The following CHD6 variants were observed in gnomAD, a reference collection of about 807,000 sequenced individuals.
CHD6 encodes the protein chromodomain helicase DNA binding protein 6.
In CHD6, 50 loss-of-function variants were observed where a neutral mutation model predicts 276.9. The observed-to-expected ratio is 0.18, with a 90% CI of 0.14 to 0.23. The LOEUF is 0.23. CHD6 is among the 10% of genes least tolerant of loss of function. CHD6 has a pLI of 1.00. For missense variants in CHD6, 2,564 were observed against 3,365.8 expected (o/e 0.76, Z 5.89); for synonymous variants, 1,173 against 1,229.3 (o/e 0.95, Z 0.96).
chr20:41,610,760 A>AAAATAAATAAATAAAT (rs5841413), intron 1 of CHD6, among the ~76,000 whole-genome samples: 4 of 147,328 alleles, frequency 2.7e-5, no homozygotes, highest in African/African-American at 1.0e-4. Context: ...TCCGTCTCAA[A>AAAATAAATAAATAAAT]AAATAAATAA....
At position 41,446,450 on chromosome 20, in the gene CHD6, T is replaced by A. The variant is rs1302991257; in HGVS notation, c.3774-682A>T. On this transcript the variant is annotated intron_variant, in intron 24 of 36. Coordinates refer to ENST00000373233, the MANE Select transcript of CHD6 (RefSeq NM_032221.5). ...CCCCTCTCTGAGTTTCTGTAACGTG[T>A]TTGGAGAGCTCACATAAACCCTAAG... Among the ~76,000 whole-genome samples, 3 of 152,278 alleles carry A rather than the reference T, an allele frequency of 2.0e-5. No individual in the cohort carries two copies. The East Asian group carries it at 5.8e-4, about 29-fold the overall frequency.
chr20:41,412,822 G>A (rs561920900), intron 35 of CHD6, among the ~76,000 whole-genome samples: 21 of 152,298 alleles, frequency 1.4e-4, no homozygotes, highest in African/African-American at 4.6e-4. Context: ...AAGACAGTAC[G>A]ATGACTTGAA....
intron 34 of CHD6, chr20:41,414,747 A>G (rs903067340): frequency 4.3e-5 from 37 of 860,644 alleles, no homozygotes; most frequent in East Asian, 3.1e-4. Context: ...TTGTAGCCCA[A>G]TATCACCCAG....
At chr20:41,559,298 C>A (rs537784108) in intron 1 of CHD6, among the ~76,000 whole-genome samples, 1 of 152,270 alleles carries the variant, frequency 6.6e-6, no homozygotes, top group Middle Eastern at 3.4e-3. Context: ...TAAGTTATCA[C>A]TAAATGTCTC....
At position 41,413,247 on chromosome 20, in the gene CHD6, A is replaced by G. The variant is rs1001139650; in HGVS notation, c.7131+77T>C. ...AGCTCCCAACTTCCTGGTTGCCCTC[A>G]GCATGCTTTCATCAAAAATAGCAAC... On this transcript the variant is annotated intron_variant, in intron 35 of 36. Coordinates refer to ENST00000373233, the MANE Select transcript of CHD6 (RefSeq NM_032221.5). The G allele has an allele frequency of 4.9e-6, 6 of 1,230,700 alleles. No homozygotes were observed. In the African/African-American group the frequency reaches 7.6e-5, roughly 16 times the overall value. The allele number at this position is 1,230,700 out of a possible 1,614,324, so 76.2% of individuals were successfully genotyped here. A position where few individuals can be genotyped will look rare whatever the true frequency, so the allele number is the denominator to read the frequency against.
At chr20:41,466,188 C>A (rs2042915661) in intron 17 of CHD6, among the ~76,000 whole-genome samples, 1 of 152,122 alleles carries the variant, frequency 6.6e-6, no homozygotes, top group South Asian at 2.1e-4. Context: ...GGTAACACAG[C>A]AAGACTCCAT....
intron 36 of CHD6, among the ~76,000 whole-genome samples, chr20:41,408,076 T>TA (rs1032816198): frequency 5.3e-4 from 78 of 146,958 alleles, no homozygotes; most frequent in East Asian, 3.4e-3. Flanking sequence ...AAATAAAAAA[T>TA]AAAAAAAAAA....
chr20:41,403,978 G>C lies in CHD6; in HGVS notation c.*615C>G. On this transcript the variant is annotated 3_prime_UTR_variant, in exon 37 of 37. Transcript: ENST00000373233. ...CTGCAGGTGTCTGAAAAACCACCAA[G>C]GGGGAAATTATATTACTACCGGTAA... 2.8e-6 allele frequency: 3 copies of C among 1,054,042 alleles called. No homozygotes were observed. Among genetic ancestry groups the C allele is most frequent in the Non-Finnish European group, 3.4e-6 (3 of 872,370 alleles). The allele number at this position is 1,054,042 out of a possible 1,614,324, so 65.3% of individuals were successfully genotyped here.
chr20:41,609,378 T>A (rs889813086), intron 1 of CHD6, among the ~76,000 whole-genome samples: 1 of 152,232 alleles, frequency 6.6e-6, no homozygotes, highest in African/African-American at 2.4e-5. Context: ...TACAAAATGT[T>A]GTGCCCCATA....
chr20:41,531,145 G>A lies in CHD6; in HGVS notation c.554+1905C>T, dbSNP rs147147079. ...CACTTTGTTTCAGACCTCATACAAT[G>A]TAAACATGAATTCCTTAAAAAAGGA... is the stretch of plus-strand genomic sequence containing the variant. On this transcript the variant is annotated intron_variant, in intron 3 of 36. Coordinates refer to ENST00000373233, the MANE Select transcript of CHD6 (RefSeq NM_032221.5). Among the ~76,000 whole-genome samples, 849 of 152,182 alleles carry A rather than the reference G, an allele frequency of 5.6e-3. 7 individuals are homozygous for A. Among genetic ancestry groups the A allele is most frequent in the Middle Eastern group, 0.017 (5 of 292 alleles).
At chr20:41,556,799 C>A (rs1435294888) in intron 1 of CHD6, among the ~76,000 whole-genome samples, 3 of 152,184 alleles carry the variant, frequency 2.0e-5, no homozygotes, top group African/African-American at 2.4e-5. Context: ...TTGTCCTTCT[C>A]CAGACAGCAC....
chr20:41,561,387 C>G (rs1475448225), intron 1 of CHD6, among the ~76,000 whole-genome samples: 1 of 152,160 alleles, frequency 6.6e-6, no homozygotes, highest in Non-Finnish European at 1.5e-5. Context: ...GAATCACTAA[C>G]TTCTCCTAAA....
At chr20:41,592,096 A>G (rs1413441391) in intron 1 of CHD6, among the ~76,000 whole-genome samples, 1 of 152,138 alleles carries the variant, frequency 6.6e-6, no homozygotes, top group Non-Finnish European at 1.5e-5. Context: ...GAGACTCTGT[A>G]TCAAACAAAC....
intron 3 of CHD6, among the ~76,000 whole-genome samples, chr20:41,523,252 C>T (rs1037699471): frequency 3.3e-5 from 5 of 152,066 alleles, no homozygotes; most frequent in African/African-American, 1.2e-4. Context: ...CTGAATAATA[C>T]AAAGGCCTAA....
At chr20:41,453,250 C>T (rs1017697357) in intron 20 of CHD6, among the ~76,000 whole-genome samples, 5 of 152,136 alleles carry the variant, frequency 3.3e-5, no homozygotes, top group African/African-American at 7.2e-5. Flanking sequence ...AAAGTGGTGT[C>T]GGCTCTAGCC....
chr20:41,519,274 C>T (rs1007895046), intron 3 of CHD6, among the ~76,000 whole-genome samples: 2 of 141,900 alleles, frequency 1.4e-5, no homozygotes, highest in Middle Eastern at 3.3e-3. Context: ...CAGAGTCAGA[C>T]CCTGTCTCAA....
At chr20:41,617,920 G>A (rs1034299938) in intron 1 of CHD6, among the ~76,000 whole-genome samples, 38 of 147,656 alleles carry the variant, frequency 2.6e-4, no homozygotes, top group Non-Finnish European at 4.1e-4. Context: ...AGCGCGGCTG[G>A]GCCCGGGGGT....
In CHD6 at chr20:41,404,724, G is replaced by T; in HGVS notation, c.8017C>A (p.Pro2673Thr). ...CCGCTGGGCTCCCTTTCACAGCTGG[G>T]AGCAGGCTCTGGGTGGGAGTTGGGG... ...DNPNSHPEPA[P>T]SCEREPSGDE... The change falls in exon 37 of 37, where the codon CCC becomes ACC. Residue 2673 changes from proline (P) to threonine (T), a missense_variant. By Grantham distance (38) the Pro-to-Thr change is conservative (BLOSUM62 -1). Transcript: ENST00000373233. 6.2e-7 allele frequency: 1 copy of T among 1,602,548 alleles called. No homozygotes were observed. Among genetic ancestry groups the T allele is most frequent in the East Asian group, 2.2e-5 (1 of 44,782 alleles).
chr20:41,456,993 C>T (rs6029689), intron 18 of CHD6, among the ~76,000 whole-genome samples: 52 of 152,270 alleles, frequency 3.4e-4, no homozygotes, highest in African/African-American at 1.0e-3. Flanking sequence ...TGGCTTCTAA[C>T]GGGCACAGTT....
Sources: allele counts gnomAD v4.1 joint callset (sites outside exome capture counted in the v4.1 genomes callset), GRCh38; gene constraint gnomAD v4.1.1; transcripts MANE v1.5; gene names NCBI Gene and HGNC (gene_info 2026-07-23, HGNC 2026-07-21).